AGPAT1: variants seen among roughly 807,000 people sequenced by gnomAD.
AGPAT1 encodes 1-acylglycerol-3-phosphate O-acyltransferase 1.
Under a neutral mutation model 31.2 loss-of-function variants are expected in AGPAT1, and 6 were observed. The observed-to-expected ratio is 0.19, with a 90% CI of 0.11 to 0.38. The LOEUF (loss-of-function observed/expected upper bound fraction) is 0.38. Among genes scored for constraint, AGPAT1 ranks in the 10% least tolerant of loss-of-function variants. AGPAT1 has a pLI of 1.00. For missense variants in AGPAT1, 187 were observed against 377.8 expected (o/e 0.49, Z 4.19); for synonymous variants, 139 against 154.0 (o/e 0.90, Z 0.72).
At position 32,172,422 on chromosome 6, in the gene AGPAT1, A is replaced by G. The variant is rs573546441; in HGVS notation, c.-9-917T>C. Reference sequence around the variant, plus strand: ...CTTGTAAAAATGTGGCTACCATAAAAAAATTACATTGTGGCTTGCATTATA... The same window carrying G: ...CTTGTAAAAATGTGGCTACCATAAAGAAATTACATTGTGGCTTGCATTATA... On this transcript the variant is annotated intron_variant, in intron 1 of 6. Coordinates refer to ENST00000375107, the MANE Select transcript of AGPAT1 (RefSeq NM_006411.4). The surrounding 1 kb of genome is among the most constrained non-coding windows in gnomAD (Gnocchi z 4.3). Among the ~76,000 whole-genome samples, 60 of 152,230 alleles carry G rather than the reference A, an allele frequency of 3.9e-4. No homozygotes were observed. The highest frequency in any genetic ancestry group is 1.4e-3 in the African/African-American group (57 of 41,590).
chr6:32,169,976 G>C lies in AGPAT1; in HGVS notation c.669C>G (p.Arg223=). ...YQDFYCKKER[R]FTSGQCQVRV... ...GCTCAAAGCCCTCACCCGAGGTGAAGCGACGCTCCTTCTTGCAGTAGAAGT... is the reference window on the plus strand; with the variant it reads ...GCTCAAAGCCCTCACCCGAGGTGAACCGACGCTCCTTCTTGCAGTAGAAGT... The change falls in exon 6 of 7, where the codon CGC becomes CGG. Residue 223 remains arginine (R), a synonymous_variant. Transcript: ENST00000375107. This position sits in a 1 kb window ranked among gnomAD's most constrained non-coding sequence, Gnocchi z 5.9. 6.2e-7 allele frequency: 1 copy of C among 1,613,338 alleles called. No homozygotes were observed. Among genetic ancestry groups the C allele is most frequent in the Non-Finnish European group, 8.5e-7 (1 of 1,179,970 alleles).
In AGPAT1 at chr6:32,175,880, G is replaced by T; in HGVS notation, c.-76C>A. On this transcript the variant is annotated 5_prime_UTR_variant, in exon 1 of 7. Transcript: ENST00000375107. This position sits in a 1 kb window ranked among gnomAD's most constrained non-coding sequence, Gnocchi z 4.5. The stretch of plus-strand genomic sequence containing the variant: ...GCCAGGCTGCGGCAGCGGTGGTGGC[G>T]GATGGCTGTGTCTCTGTCTCTGTCG... 1 of 986,460 alleles carries T rather than the reference G, an allele frequency of 1.0e-6. No individual in the cohort carries two copies. The highest frequency in any genetic ancestry group is 1.2e-6 in the Non-Finnish European group (1 of 830,772). 61.1% of individuals were successfully genotyped at this position (986,460 alleles called of 1,614,324 possible). A position where few individuals can be genotyped will look rare whatever the true frequency, so the allele number is the denominator to read the frequency against.
At chr6:32,177,325 C>T (rs901279137), upstream of AGPAT1, 1 of 380,524 alleles carries the variant, frequency 2.6e-6, no homozygotes, top group Non-Finnish European at 4.6e-6. Context: ...GACCCTATTT[C>T]TGATGGGCAA....
At chr6:32,176,100 C>T, upstream of AGPAT1, 1 of 985,626 alleles carries the variant, frequency 1.0e-6, no homozygotes, top group Non-Finnish European at 1.2e-6. Flanking sequence ...CCCGCCACCC[C>T]TCCCCAACGC....
chr6:32,172,835 A>G lies in AGPAT1; in HGVS notation c.-9-1330T>C, dbSNP rs1785223604. On this transcript the variant is annotated intron_variant, in intron 1 of 6. Coordinates refer to ENST00000375107, the MANE Select transcript of AGPAT1 (RefSeq NM_006411.4). This position sits in a 1 kb window ranked among gnomAD's most constrained non-coding sequence, Gnocchi z 4.3. The stretch of plus-strand genomic sequence containing the variant: ...CATGTTCACACATAGACACAAATTT[A>G]TAATTACACCCAGTGACAGATAAAA... 2 of 152,264 alleles carry G rather than the reference A, an allele frequency of 1.3e-5. 1 individual carries two copies. The highest frequency in any genetic ancestry group is 4.1e-4 in the South Asian group (2 of 4,836). The allele number at this position is 152,264 out of a possible 1,614,324, so 9.4% of individuals were successfully genotyped here.
rs551727417 is a variant in AGPAT1 at position 32,172,682 on chromosome 6, C to T, written c.-9-1177G>A. Among the ~76,000 whole-genome samples, 55 of 152,140 alleles carry T rather than the reference C, an allele frequency of 3.6e-4. 2 individuals are homozygous for T. The South Asian group carries it at 0.011, about 29-fold the overall frequency. On this transcript the variant is annotated intron_variant, in intron 1 of 6. Coordinates refer to ENST00000375107, the MANE Select transcript of AGPAT1 (RefSeq NM_006411.4). The surrounding 1 kb of genome is among the most constrained non-coding windows in gnomAD (Gnocchi z 4.3). The stretch of plus-strand genomic sequence containing the variant: ...CTGGTATGTATTGCATATATATATA[C>T]GAACACAGCACACAGCATATATGGT...
Position 32,172,469 on chromosome 6 carries a change from C to T in AGPAT1, c.-9-964G>A, listed in dbSNP as rs1785187411. Reference sequence around the variant, plus strand: ...TATATTTCTGTAGAACAGTACTGGTCTATACATTAAGTTAAACTCTTAAAA... The same window carrying T: ...TATATTTCTGTAGAACAGTACTGGTTTATACATTAAGTTAAACTCTTAAAA... On this transcript the variant is annotated intron_variant, in intron 1 of 6. Transcript: ENST00000375107. The surrounding 1 kb of genome is among the most constrained non-coding windows in gnomAD (Gnocchi z 4.3). 6.6e-6 allele frequency among the ~76,000 whole-genome samples: 1 copy of T among 152,090 alleles called. No homozygotes were observed. Among genetic ancestry groups the T allele is most frequent in the African/African-American group, 2.4e-5 (1 of 41,398 alleles).
chr6:32,170,300 GA>G lies in AGPAT1; in HGVS notation c.511-41del, dbSNP rs1784967923. ...GGGTCAAAGAAGACAAATACATATG[GA>G]GGAGTCAGAATAGGTGTGATGTTAT... On this transcript the variant is annotated intron_variant, in intron 4 of 6. Coordinates refer to ENST00000375107, the MANE Select transcript of AGPAT1 (RefSeq NM_006411.4). This position sits in a 1 kb window ranked among gnomAD's most constrained non-coding sequence, Gnocchi z 7.7. The G allele has an allele frequency of 3.7e-6, 6 of 1,606,440 alleles. No homozygotes were observed. The highest frequency in any genetic ancestry group is 3.4e-6 in the Non-Finnish European group (4 of 1,175,354).
upstream of AGPAT1, chr6:32,177,963 A>AC (rs1182046580): frequency 6.6e-6 from 1 of 151,342 alleles, no homozygotes; most frequent in African/African-American, 2.4e-5. Context: ...GGATTGGCCC[A>AC]CCCCCGTCCC....
At position 32,171,872 on chromosome 6, in the gene AGPAT1, C is replaced by T; in HGVS notation, c.-9-367G>A. The T allele has an allele frequency of 3.1e-6, 1 of 324,588 alleles. No individual in the cohort carries two copies. Among genetic ancestry groups the T allele is most frequent in the Non-Finnish European group, 5.7e-6 (1 of 175,262 alleles). The allele number at this position is 324,588 out of a possible 1,614,324, so 20.1% of individuals were successfully genotyped here. On this transcript the variant is annotated intron_variant, in intron 1 of 6. Transcript: ENST00000375107. The surrounding 1 kb of genome is among the most constrained non-coding windows in gnomAD (Gnocchi z 6.9). ...ATACTTGTGCTGTCCGAGAAAGTAG[C>T]CACCACCTACATGTGGCTACTTGAA...
chr6:32,173,998 C>T lies in AGPAT1; in HGVS notation c.-10+1816G>A, dbSNP rs1164830739. Among the ~76,000 whole-genome samples, 1 of 152,180 alleles carries T rather than the reference C, an allele frequency of 6.6e-6. No individual in the cohort carries two copies. Among genetic ancestry groups the T allele is most frequent in the Non-Finnish European group, 1.5e-5 (1 of 68,032 alleles). On this transcript the variant is annotated intron_variant, in intron 1 of 6. Transcript: ENST00000375107. The surrounding 1 kb of genome is among the most constrained non-coding windows in gnomAD (Gnocchi z 4.7). ...AACTGTTGGGATTACAGGTGTGAGC[C>T]ATCGTGGCTGGCTAGCAATCTGTAT...
At position 32,169,064 on chromosome 6, in the gene AGPAT1, T is replaced by G; in HGVS notation, c.*212A>C. 1 of 596,206 alleles carries G rather than the reference T, an allele frequency of 1.7e-6. No homozygotes were observed. The highest frequency in any genetic ancestry group is 3.0e-6 in the Non-Finnish European group (1 of 338,786). The allele number at this position is 596,206 out of a possible 1,614,324, so 36.9% of individuals were successfully genotyped here. A position where few individuals can be genotyped will look rare whatever the true frequency, so the allele number is the denominator to read the frequency against. ...GGAGGTGGGGGTCAAGAGTGGAGAC[T>G]GCACCGAGGCAAGAGTCCATGGATG... On this transcript the variant is annotated 3_prime_UTR_variant, in exon 7 of 7. Coordinates refer to ENST00000375107, the MANE Select transcript of AGPAT1 (RefSeq NM_006411.4). This position sits in a 1 kb window ranked among gnomAD's most constrained non-coding sequence, Gnocchi z 5.9.
rs1785413695 is a variant in AGPAT1 at position 32,175,065 on chromosome 6, A to G, written c.-10+749T>C. Among the ~76,000 whole-genome samples the G allele has an allele frequency of 6.6e-6, 1 of 152,270 alleles. No individual in the cohort carries two copies. Among genetic ancestry groups the G allele is most frequent in the South Asian group, 2.1e-4 (1 of 4,832 alleles). The stretch of plus-strand genomic sequence containing the variant: ...TGTCAGCCAAAGCAAAATAAGGTAT[A>G]TAACCTTCACATGCTGAAATAAACA... On this transcript the variant is annotated intron_variant, in intron 1 of 6. Transcript: ENST00000375107. This position sits in a 1 kb window ranked among gnomAD's most constrained non-coding sequence, Gnocchi z 4.5.
At position 32,170,846 on chromosome 6, in the gene AGPAT1, G is replaced by A. The variant is rs959831938; in HGVS notation, c.334+91C>T. On this transcript the variant is annotated intron_variant, in intron 3 of 6. Coordinates refer to ENST00000375107, the MANE Select transcript of AGPAT1 (RefSeq NM_006411.4). This position sits in a 1 kb window ranked among gnomAD's most constrained non-coding sequence, Gnocchi z 7.7. ...AGGGGGCAATGTCCCAGAGGAAGGG[G>A]AATTGAGGATCTCTAGGAGAAGATA... 15 of 1,491,990 alleles carry A rather than the reference G, an allele frequency of 1.0e-5. No homozygotes were observed. In the African/African-American group the frequency reaches 1.9e-4, roughly 19 times the overall value. 92.4% of individuals were successfully genotyped at this position (1,491,990 alleles called of 1,614,324 possible).
At position 32,169,890 on chromosome 6, in the gene AGPAT1, G is replaced by T; in HGVS notation, c.679+76C>A. Reference sequence around the variant, plus strand: ...ACATCTCATGGCTCTGACACTGAATGATCCCCCTGCCTCACAGGGATGTCC... The same window carrying T: ...ACATCTCATGGCTCTGACACTGAATTATCCCCCTGCCTCACAGGGATGTCC... On this transcript the variant is annotated intron_variant, in intron 6 of 6. Coordinates refer to ENST00000375107, the MANE Select transcript of AGPAT1 (RefSeq NM_006411.4). The surrounding 1 kb of genome is among the most constrained non-coding windows in gnomAD (Gnocchi z 5.9). 3 of 1,323,544 alleles carry T rather than the reference G, an allele frequency of 2.3e-6. No homozygotes were observed. The highest frequency in any genetic ancestry group is 3.2e-6 in the Non-Finnish European group (3 of 927,482). The allele number at this position is 1,323,544 out of a possible 1,614,324, so 82.0% of individuals were successfully genotyped here.
In AGPAT1 at chr6:32,169,282, A is replaced by G. The variant is rs1216812206; in HGVS notation, c.846T>C (p.Gly282=). ...GGDYLKKPGG[G]G is the part of the protein sequence containing the mutation. ...GAGAGCTCAGAGCCAGGGTTCACCC[A>G]CCGCCCCCAGGCTTCTTCAGATAGT... Residue 282 remains glycine (G), a synonymous_variant, in exon 7 of 7, where the codon GGT becomes GGC. Transcript: ENST00000375107. The surrounding 1 kb of genome is among the most constrained non-coding windows in gnomAD (Gnocchi z 5.9). 6.2e-7 allele frequency: 1 copy of G among 1,612,746 alleles called. No individual in the cohort carries two copies. The highest frequency in any genetic ancestry group is 8.5e-7 in the Non-Finnish European group (1 of 1,179,824).
chr6:32,176,109 G>C, upstream of AGPAT1: 1 of 979,948 alleles, frequency 1.0e-6, no homozygotes, highest in Non-Finnish European at 1.2e-6. Context: ...CCTCCCCAAC[G>C]CCTGCTGGTT....
In AGPAT1 at chr6:32,169,365, G is replaced by C; in HGVS notation, c.763C>G (p.Arg255Gly). The C allele has an allele frequency of 6.2e-7, 1 of 1,612,914 alleles. No homozygotes were observed. Among genetic ancestry groups the C allele is most frequent in the Non-Finnish European group, 8.5e-7 (1 of 1,179,966 alleles). ...DDVPALADRV[R>G]HSMLTVFREI... ...CGGAAAACAGTGAGCATGGAGTGCC[G>C]GACTCTGTCAGCCAGAGCTGGGACG... The change falls in exon 7 of 7, where the codon CGG (arginine) becomes GGG (glycine). Residue 255 changes from arginine to glycine, a missense_variant. By Grantham distance (125) the Arg-to-Gly change is moderately radical. Coordinates refer to ENST00000375107, the MANE Select transcript of AGPAT1 (RefSeq NM_006411.4). This position sits in a 1 kb window ranked among gnomAD's most constrained non-coding sequence, Gnocchi z 5.9.
rs765359957 is a variant in AGPAT1, at chr6:32,169,381, A to G, written c.747T>C (p.Ala249=). Residue 249 remains alanine (A), a synonymous_variant, in exon 7 of 7, where the codon GCT becomes GCC. Transcript: ENST00000375107. The surrounding 1 kb of genome is among the most constrained non-coding windows in gnomAD (Gnocchi z 5.9). ...TEGLTPDDVP[A]LADRVRHSML... is the part of the protein sequence containing the mutation. ...TGGAGTGCCGGACTCTGTCAGCCAG[A>G]GCTGGGACGTCATCTGGTGTCAGCC... 1 of 1,612,874 alleles carries G rather than the reference A, an allele frequency of 6.2e-7. No homozygotes were observed. Among genetic ancestry groups the G allele is most frequent in the Non-Finnish European group, 8.5e-7 (1 of 1,179,964 alleles).
Sources: gnomAD v4.1 joint callset for allele counts (sites outside exome capture counted in the v4.1 genomes callset) on GRCh38, gnomAD v4.1.1 for gene constraint, Gnocchi (gnomAD v3.1) non-coding constraint, MANE v1.5 for transcripts, NCBI Gene and HGNC (gene_info 2026-07-23, HGNC 2026-07-21) for gene names.